Variants in LRRTM4 observed in about 807,000 individuals in gnomAD.
LRRTM4 encodes the protein leucine-rich repeat transmembrane neuronal protein 4.
LRRTM4 carries 25 observed loss-of-function variants against 47.6 expected under a neutral mutation model. That is an observed-to-expected ratio of 0.53 (90% CI 0.38 to 0.73). The LOEUF is 0.73. LRRTM4 is among the 30% of genes least tolerant of loss of function. The probability of loss-of-function intolerance (pLI) is 0.00; values close to 1 mark genes in which losing one functional copy is unlikely to be tolerated. For synonymous variants in LRRTM4, 311 were observed against 269.5 expected, an observed-to-expected ratio of 1.15 and a Z score of -1.51; for missense variants, 638 against 713.4, an observed-to-expected ratio of 0.89 and a Z score of 1.20.
chr2:77,124,381 G>A (rs1162817976), intron 3 of LRRTM4, among the ~76,000 whole-genome samples: 9 of 152,060 alleles, frequency 5.9e-5, no homozygotes, highest in Non-Finnish European at 1.3e-4. Context: ...TCTAGGCTGT[G>A]ACACTGAAGA....
At chr2:76,917,063 A>G (rs2103797235) in intron 3 of LRRTM4, among the ~76,000 whole-genome samples, 1 of 152,296 alleles carries the variant, frequency 6.6e-6, no homozygotes, top group Non-Finnish European at 1.5e-5. Flanking sequence ...TTTTTGGTGT[A>G]GACCAGGGGT....
intron 3 of LRRTM4, among the ~76,000 whole-genome samples, chr2:76,916,384 C>CAAAAAAAAAAAAAAAAAAAAAAAA (rs57874749): frequency 8.8e-4 from 47 of 53,488 alleles, no homozygotes; most frequent in Non-Finnish European, 1.3e-3. Context: ...GACTGTGTCT[C>CAAAAAAAAAAAAAAAAAAAAAAAA]AAAAAAAAAA....
At chr2:77,181,171 G>A (rs1673337967) in intron 3 of LRRTM4, among the ~76,000 whole-genome samples, 1 of 152,126 alleles carries the variant, frequency 6.6e-6, no homozygotes, top group Non-Finnish European at 1.5e-5. Flanking sequence ...AGGTAAGACT[G>A]GGATGAGGTC....
rs192590256 is a variant in LRRTM4, at chr2:76,887,200, A to T, written c.1552-138284T>A. The stretch of plus-strand genomic sequence containing the variant: ...ACATTATTCAAAAATATTTTGAATG[A>T]CCTGTTTAACTCATTAAACAGCAAA... On this transcript the variant is annotated intron_variant, in intron 3 of 3. Coordinates refer to ENST00000409884, the MANE Select transcript of LRRTM4 (RefSeq NM_001134745.3). Among the ~76,000 whole-genome samples the T allele has an allele frequency of 2.8e-4, 42 of 151,930 alleles. 1 individual carries two copies. The East Asian group carries it at 7.7e-3, about 28-fold the overall frequency.
intron 3 of LRRTM4, among the ~76,000 whole-genome samples, chr2:77,150,285 G>T (rs1455197354): frequency 6.6e-6 from 1 of 152,052 alleles, no homozygotes; most frequent in Non-Finnish European, 1.5e-5. Flanking sequence ...ATACAAAAAT[G>T]CCAGGCTACA....
intron 3 of LRRTM4, among the ~76,000 whole-genome samples, chr2:77,279,602 A>T (rs1279254431): frequency 6.6e-6 from 1 of 151,932 alleles, no homozygotes; most frequent in Non-Finnish European, 1.5e-5. Flanking sequence ...AGCTTTTATT[A>T]TTCTAATAAT....
At chr2:77,271,862 AC>A (rs1676208472) in intron 3 of LRRTM4, among the ~76,000 whole-genome samples, 2 of 152,104 alleles carry the variant, frequency 1.3e-5, no homozygotes, top group Non-Finnish European at 1.5e-5. Flanking sequence ...ATATGCCTCC[AC>A]CCACCATGTG....
chr2:76,969,152 T>A (rs1251974754), intron 3 of LRRTM4, among the ~76,000 whole-genome samples: 5 of 151,932 alleles, frequency 3.3e-5, no homozygotes, highest in Non-Finnish European at 7.4e-5. Flanking sequence ...CCCTTCTCCT[T>A]GTCAGGAATC....
At chr2:77,164,627 T>C (rs528647968) in intron 3 of LRRTM4, among the ~76,000 whole-genome samples, 90 of 152,290 alleles carry the variant, frequency 5.9e-4, no homozygotes, top group Admixed American at 1.5e-3. Flanking sequence ...CAGACCACAG[T>C]GCAATCAAAC....
At position 76,908,440 on chromosome 2, in the gene LRRTM4, G is replaced by A. The variant is rs1423657343; in HGVS notation, c.1552-159524C>T. 5.3e-5 allele frequency among the ~76,000 whole-genome samples: 8 copies of A among 150,948 alleles called. No homozygotes were observed. In the East Asian group the frequency reaches 9.8e-4, roughly 19 times the overall value. ...CCCTTTGAAAACTGGCACAAGACAG[G>A]GATGCCCTCTCTCACCACTCCTATT... On this transcript the variant is annotated intron_variant, in intron 3 of 3. Coordinates refer to ENST00000409884, the MANE Select transcript of LRRTM4 (RefSeq NM_001134745.3).
rs1177726763 is a variant in LRRTM4, at chr2:77,127,246, C to G, written c.1552-378330G>C. 6.6e-5 allele frequency among the ~76,000 whole-genome samples: 10 copies of G among 152,208 alleles called. No homozygotes were observed. In the East Asian group the frequency reaches 1.9e-3, roughly 29 times the overall value. ...CTTTCATAGGATTTTGAGCCCAAAACAGCTGTAGCTTTTCTCACATACTTT... is the reference window on the plus strand; with the variant it reads ...CTTTCATAGGATTTTGAGCCCAAAAGAGCTGTAGCTTTTCTCACATACTTT... On this transcript the variant is annotated intron_variant, in intron 3 of 3. Coordinates refer to ENST00000409884, the MANE Select transcript of LRRTM4 (RefSeq NM_001134745.3).
At chr2:77,077,859 AAC>A (rs1231256783) in intron 3 of LRRTM4, among the ~76,000 whole-genome samples, 1 of 152,208 alleles carries the variant, frequency 6.6e-6, no homozygotes, top group Non-Finnish European at 1.5e-5. Flanking sequence ...AGCTATATAG[AAC>A]ACATTCATGG....
intron 3 of LRRTM4, among the ~76,000 whole-genome samples, chr2:76,998,749 G>T (rs1677297846): frequency 6.7e-6 from 1 of 148,622 alleles, no homozygotes. Flanking sequence ...CCTTCCTTCA[G>T]TTTTTCCTCT....
At chr2:77,202,799 T>C (rs1377754387) in intron 3 of LRRTM4, among the ~76,000 whole-genome samples, 1 of 152,132 alleles carries the variant, frequency 6.6e-6, no homozygotes, top group Non-Finnish European at 1.5e-5. Context: ...GTATTGGTTT[T>C]TATTATTTCT....
chr2:76,859,294 T>G (rs1212875130), intron 3 of LRRTM4, among the ~76,000 whole-genome samples: 1 of 152,088 alleles, frequency 6.6e-6, no homozygotes, highest in Non-Finnish European at 1.5e-5. Flanking sequence ...TTTTTTTTCC[T>G]CAGTTCCCCA....
At position 77,319,243 on chromosome 2, in the gene LRRTM4, T is replaced by C. The variant is rs571312579; in HGVS notation, c.1551+199075A>G. On this transcript the variant is annotated intron_variant, in intron 3 of 3. Coordinates refer to ENST00000409884, the MANE Select transcript of LRRTM4 (RefSeq NM_001134745.3). Reference sequence around the variant, plus strand: ...TCTACTAAAAATACAAAAAATCAGCTGGGTGTGGTGGCGGGCTCCTGTAAT... The same window carrying C: ...TCTACTAAAAATACAAAAAATCAGCCGGGTGTGGTGGCGGGCTCCTGTAAT... Among the ~76,000 whole-genome samples, 4 of 152,058 alleles carry C rather than the reference T, an allele frequency of 2.6e-5. No homozygotes were observed. The South Asian group carries it at 8.3e-4, about 32-fold the overall frequency.
chr2:77,361,460 G>T (rs150860364), intron 3 of LRRTM4, among the ~76,000 whole-genome samples: 219 of 152,004 alleles, frequency 1.4e-3, no homozygotes, highest in African/African-American at 5.1e-3. Flanking sequence ...TTTCCTGTCT[G>T]TTTTGGCTTA....
intron 3 of LRRTM4, among the ~76,000 whole-genome samples, chr2:77,029,492 G>A (rs1011370632): frequency 6.6e-6 from 1 of 152,124 alleles, no homozygotes; most frequent in African/African-American, 2.4e-5. Flanking sequence ...ATGGGAGAAA[G>A]ATGAAGGCCA....
intron 3 of LRRTM4, among the ~76,000 whole-genome samples, chr2:77,264,417 CCAT>C (rs1444171079): frequency 6.6e-6 from 1 of 152,004 alleles, no homozygotes; most frequent in African/African-American, 2.4e-5. Flanking sequence ...GATCCATACC[CCAT>C]CCTTATAAAC....
Sources: gnomAD v4.1 joint callset for allele counts (sites outside exome capture counted in the v4.1 genomes callset) on GRCh38, gnomAD v4.1.1 for gene constraint, MANE v1.5 for transcripts, NCBI Gene and HGNC (gene_info 2026-07-23, HGNC 2026-07-21) for gene names.